The following MGAT4A variants were observed in gnomAD, a reference collection of about 807,000 sequenced individuals.
MGAT4A encodes the protein N-acetylglucosaminyltransferase IVa.
MGAT4A carries 33 observed loss-of-function variants against 74.1 expected under a neutral mutation model. The observed-to-expected ratio is 0.45, with a 90% confidence interval of 0.34 to 0.60. The LOEUF is 0.60. MGAT4A is among the 20% of genes least tolerant of loss of function. The pLI is 0.02. For synonymous variants in MGAT4A, 198 were observed against 210.4 expected (o/e 0.94, Z 0.51); for missense variants, 479 against 628.3 (o/e 0.76, Z 2.54).
chr2:98,665,986 G>A (rs1326538133), intron 4 of MGAT4A, among the ~76,000 whole-genome samples: 5 of 152,274 alleles, frequency 3.3e-5, no homozygotes, highest in Non-Finnish European at 5.9e-5. Flanking sequence ...TTTTAATGCT[G>A]AGTGCAAGAG....
chr2:98,708,586 G>A (rs891579948), intron 2 of MGAT4A, among the ~76,000 whole-genome samples: 11 of 152,150 alleles, frequency 7.2e-5, no homozygotes, highest in Non-Finnish European at 1.5e-4. Context: ...CAGTTAACAC[G>A]TGCCTCTTCC....
At chr2:98,655,956 A>G (rs764507138) in intron 7 of MGAT4A, 19 of 181,448 alleles carry the variant, frequency 1.0e-4, no homozygotes, top group Non-Finnish European at 1.7e-4. Flanking sequence ...GAGTGCTTCA[A>G]AAATTACAAT....
In MGAT4A at chr2:98,622,283, T is replaced by C; in HGVS notation, c.*3283A>G. 1 of 985,464 alleles carries C rather than the reference T, an allele frequency of 1.0e-6. No individual in the cohort carries two copies. The highest frequency in any genetic ancestry group is 1.2e-6 in the Non-Finnish European group (1 of 829,956). 61.0% of individuals were successfully genotyped at this position (985,464 alleles called of 1,614,324 possible). A position where few individuals can be genotyped will look rare whatever the true frequency, so the allele number is the denominator to read the frequency against. ...TGTTCAACAGAGCTTTCTGCAGTGATGGAAAAGTTCTGCATCCGTGGTGTC... is the reference window on the plus strand; with the variant it reads ...TGTTCAACAGAGCTTTCTGCAGTGACGGAAAAGTTCTGCATCCGTGGTGTC... On this transcript the variant is annotated 3_prime_UTR_variant, in exon 16 of 16. Coordinates refer to ENST00000393487, the MANE Select transcript of MGAT4A (RefSeq NM_012214.3).
intron 2 of MGAT4A, among the ~76,000 whole-genome samples, chr2:98,693,607 C>T (rs1702221824): frequency 6.7e-6 from 1 of 150,342 alleles, no homozygotes; most frequent in Admixed American, 6.6e-5. Context: ...CTTGCGGGGG[C>T]TCAGGTGGGA....
intron 14 of MGAT4A, among the ~76,000 whole-genome samples, chr2:98,627,953 T>G (rs1034109696): frequency 6.6e-6 from 1 of 152,238 alleles, no homozygotes; most frequent in African/African-American, 2.4e-5. Context: ...TTCTGCAAAG[T>G]ACCTGGCTGA....
rs1245444588 is a variant in MGAT4A at position 98,728,136 on chromosome 2, GGAGT to G, written c.-235-1573_-235-1570del. On this transcript the variant is annotated intron_variant, in intron 1 of 15. Transcript: ENST00000393487. ...TATATAACACACACTGATCTACTAA[GGAGT>G]AAGTTGCAAAATTCATGGAAATTTT... is the stretch of plus-strand genomic sequence containing the variant. Among the ~76,000 whole-genome samples, 7 of 152,186 alleles carry G rather than the reference GGAGT, an allele frequency of 4.6e-5. No homozygotes were observed. In the East Asian group the frequency reaches 7.7e-4, roughly 17 times the overall value.
chr2:98,639,946 T>A lies in MGAT4A; in HGVS notation c.1184A>T (p.Glu395Val). 1 of 1,614,070 alleles carries A rather than the reference T, an allele frequency of 6.2e-7. No homozygotes were observed. The highest frequency in any genetic ancestry group is 8.5e-7 in the Non-Finnish European group (1 of 1,179,972). The change falls in exon 12 of 16, where the codon GAG (glutamate) becomes GTG (valine). Residue 395 changes from glutamate (E) to valine (V), a missense_variant. Glu to Val is a moderately radical substitution (Grantham distance 121). Around this residue, in one of 3 missense-constraint regions of MGAT4A, gnomAD observed 236 missense variants for 308.2 expected, o/e 0.77. Coordinates refer to ENST00000393487, the MANE Select transcript of MGAT4A (RefSeq NM_012214.3). ...GTAGACCTTCAAGGAAGTAGATACC[T>A]CCGCAGGTGGGTTTACATGGATTTT... ...LLKIHVNPPA[E>V]VSTSLKVYQG...
intron 14 of MGAT4A, among the ~76,000 whole-genome samples, chr2:98,632,743 T>C (rs764454301): frequency 7.9e-5 from 12 of 152,176 alleles, no homozygotes; most frequent in Non-Finnish European, 1.2e-4. Flanking sequence ...GCACTGGTCA[T>C]GGCAGTAGCC....
chr2:98,646,796 T>C (rs1175790912), intron 8 of MGAT4A, among the ~76,000 whole-genome samples: 1 of 152,238 alleles, frequency 6.6e-6, no homozygotes, highest in Non-Finnish European at 1.5e-5. Context: ...AACGATACAT[T>C]GTTTTTAAGG....
chr2:98,675,653 C>T (rs948406700), intron 3 of MGAT4A, among the ~76,000 whole-genome samples: 3 of 151,512 alleles, frequency 2.0e-5, no homozygotes, highest in Admixed American at 6.6e-5. Context: ...CTCAAGAGAT[C>T]CTCCCCACCT....
chr2:98,630,117 T>A, intron 14 of MGAT4A, among the ~76,000 whole-genome samples: 1 of 152,340 alleles, frequency 6.6e-6, no homozygotes, highest in South Asian at 2.1e-4. Context: ...CTTCTCTTCC[T>A]AAGTCTATAT....
Position 98,667,702 on chromosome 2 carries a change from G to T in MGAT4A, c.404-4523C>A, listed in dbSNP as rs572976716. 2.7e-3 allele frequency among the ~76,000 whole-genome samples: 411 copies of T among 149,726 alleles called. 3 individuals carry two copies. The highest frequency in any genetic ancestry group is 9.3e-3 in the African/African-American group (380 of 40,924). On this transcript the variant is annotated intron_variant, in intron 4 of 15. Transcript: ENST00000393487. Reference sequence around the variant, plus strand: ...CTGTTAAAGGCATTCAGTTTTTGTTGTTGTTGTTGTTGTTGTTGTTGTTGT... The same window carrying T: ...CTGTTAAAGGCATTCAGTTTTTGTTTTTGTTGTTGTTGTTGTTGTTGTTGT...
At chr2:98,665,957 T>C (rs76669585) in intron 4 of MGAT4A, among the ~76,000 whole-genome samples, 2,370 of 152,350 alleles carry the variant, frequency 0.016, 57 homozygotes, top group African/African-American at 0.054. Flanking sequence ...AGGGGTCACA[T>C]TGCATATAAC....
chr2:98,674,436 G>T (rs189089368), intron 4 of MGAT4A, among the ~76,000 whole-genome samples: 1 of 152,130 alleles, frequency 6.6e-6, no homozygotes, highest in Non-Finnish European at 1.5e-5. Context: ...GTGTACTTTG[G>T]TTTCAATAAA....
chr2:98,653,170 A>C (rs183510272), intron 8 of MGAT4A, among the ~76,000 whole-genome samples: 145 of 152,004 alleles, frequency 9.5e-4, no homozygotes, highest in African/African-American at 3.4e-3. Flanking sequence ...AAGCCATACA[A>C]AGAGGGAAGT....
intron 12 of MGAT4A, among the ~76,000 whole-genome samples, chr2:98,637,801 C>G (rs1701344709): frequency 6.6e-6 from 1 of 152,184 alleles, no homozygotes; most frequent in Non-Finnish European, 1.5e-5. Flanking sequence ...CCATCTACCT[C>G]AGAGGACTGC....
intron 2 of MGAT4A, among the ~76,000 whole-genome samples, chr2:98,685,939 TTATGTAGTTC>T (rs1702123100): frequency 1.3e-5 from 2 of 152,236 alleles, no homozygotes; most frequent in Admixed American, 1.3e-4. Context: ...ACCTAGAAGT[TTATGTAGTTC>T]TAGTCTACCA....
intron 2 of MGAT4A, among the ~76,000 whole-genome samples, chr2:98,721,621 C>T (rs1009292775): frequency 1.9e-4 from 29 of 151,800 alleles, no homozygotes; most frequent in Admixed American, 1.6e-3. Context: ...GTAATAAGTA[C>T]AACAATACCC....
At chr2:98,699,855 A>G (rs1702326766) in intron 2 of MGAT4A, among the ~76,000 whole-genome samples, 1 of 151,948 alleles carries the variant, frequency 6.6e-6, no homozygotes, top group Non-Finnish European at 1.5e-5. Context: ...TTCCGCTTGA[A>G]CCCCGAGTAT....
Sources: gnomAD v4.1 joint callset for allele counts (sites outside exome capture counted in the v4.1 genomes callset) on GRCh38, gnomAD v4.1.1 for gene constraint, gnomAD v4.1.1 regional missense constraint, MANE v1.5 for transcripts, NCBI Gene and HGNC (gene_info 2026-07-23, HGNC 2026-07-21) for gene names.